Variants in CCPG1 observed in about 807,000 individuals in gnomAD.
CCPG1 encodes cell cycle progression protein 1.
In CCPG1, 46 loss-of-function variants were observed where a neutral mutation model predicts 81.3. That is an observed-to-expected ratio of 0.57 (90% CI 0.45 to 0.72). The LOEUF (loss-of-function observed/expected upper bound fraction) is 0.72, where lower values mean the gene tolerates loss of function less well. Among genes scored for constraint, CCPG1 ranks in the 30% least tolerant of loss-of-function variants. CCPG1 has a pLI of 0.00. For synonymous variants in CCPG1, 330 were observed against 305.2 expected (o/e 1.08, Z -0.85); for missense variants, 902 against 937.6 (o/e 0.96, Z 0.50).
At chr15:55,365,416 TTTG>T (rs368688921) in intron 6 of CCPG1, 107 bp from the exon 7 acceptor site, 9,947 of 682,592 alleles carry the variant, frequency 0.015, 33 homozygotes, top group African/African-American at 0.036. Context: ...TAGTCTTTTT[TTTG>T]TTTTTTTTTT....
intron 7 of CCPG1, among the ~76,000 whole-genome samples, chr15:55,361,783 T>C (rs1595820332): frequency 6.6e-6 from 1 of 152,128 alleles, no homozygotes; most frequent in Non-Finnish European, 1.5e-5. Flanking sequence ...TTGTACTCAG[T>C]GTACCCTTCA....
intron 8 of CCPG1, 149 bp from the exon 9 acceptor site, chr15:55,356,558 A>G: frequency 8.0e-7 from 1 of 1,249,004 alleles, no homozygotes; most frequent in African/African-American, 1.6e-5. Context: ...ATATCCATAT[A>G]AAAATAAAGG....
At chr15:55,370,647 C>T (rs1351374622) in intron 6 of CCPG1, among the ~76,000 whole-genome samples, 1 of 152,054 alleles carries the variant, frequency 6.6e-6, no homozygotes, top group East Asian at 1.9e-4. Flanking sequence ...GAGGCCGAGG[C>T]GGGTGGATCA....
At chr15:55,399,846 T>C (rs1328500268) in intron 1 of CCPG1, 1 of 151,914 alleles carries the variant, frequency 6.6e-6, no homozygotes, top group Non-Finnish European at 1.5e-5. Flanking sequence ...GTAATTCCAA[T>C]ACTTTGGGAG....
At chr15:55,394,477 C>T (rs1425706767) in intron 1 of CCPG1, among the ~76,000 whole-genome samples, 1 of 152,010 alleles carries the variant, frequency 6.6e-6, no homozygotes, top group East Asian at 1.9e-4. Context: ...TGTGTGAAAG[C>T]TTCCCTCCTT....
chr15:55,356,247 C>T lies in CCPG1; in HGVS notation c.2397G>A (p.Gly799=), dbSNP rs1443287279. Residue 799 remains glycine, a synonymous_variant, in exon 9 of 9, where the codon GGG becomes GGA. Transcript: ENST00000442196. ...RQMANLEIEL[G]QLPFDPQY is the part of the protein sequence containing the mutation. ...AGTATTGAGGATCAAAAGGTAATTG[C>T]CCCAATTCTATTTCAAGATTTGCCA... The T allele has an allele frequency of 2.6e-6, 4 of 1,534,400 alleles. No individual in the cohort carries two copies. Among genetic ancestry groups the T allele is most frequent in the South Asian group, 2.4e-5 (2 of 83,724 alleles).
chr15:55,375,858 C>T (rs953652752), intron 5 of CCPG1, among the ~76,000 whole-genome samples: 1 of 152,016 alleles, frequency 6.6e-6, no homozygotes, highest in Non-Finnish European at 1.5e-5. Flanking sequence ...TCATGCCTGG[C>T]TTTTTATTAT....
chr15:55,383,535 G>C (rs1186772590), intron 3 of CCPG1, among the ~76,000 whole-genome samples: 3 of 152,212 alleles, frequency 2.0e-5, no homozygotes, highest in African/African-American at 7.2e-5. Flanking sequence ...AGTTAGGAAA[G>C]TCCTAGATGG....
At chr15:55,370,790 T>C (rs1474239480) in intron 6 of CCPG1, among the ~76,000 whole-genome samples, 1 of 146,708 alleles carries the variant, frequency 6.8e-6, no homozygotes, top group East Asian at 2.0e-4. Context: ...GGCAGGAGAA[T>C]CACTTGAACC....
intron 1 of CCPG1, among the ~76,000 whole-genome samples, chr15:55,395,307 AG>A (rs1306924745): frequency 2.6e-5 from 4 of 150,994 alleles, no homozygotes; most frequent in Non-Finnish European, 4.4e-5. Context: ...AAAAAAAAAA[AG>A]TAACTTTTTA....
chr15:55,403,830 G>T (rs750498475), intron 1 of CCPG1, among the ~76,000 whole-genome samples: 1 of 152,198 alleles, frequency 6.6e-6, no homozygotes, highest in Non-Finnish European at 1.5e-5. Context: ...ACTGTTAGAT[G>T]AGTCTGCATT....
chr15:55,361,691 C>T (rs893696343), intron 7 of CCPG1, among the ~76,000 whole-genome samples: 8 of 148,918 alleles, frequency 5.4e-5, no homozygotes, highest in Non-Finnish European at 1.2e-4. Flanking sequence ...GGCGACAGAG[C>T]GAGACTCTGT....
At chr15:55,371,397 A>G (rs2141267669) in intron 6 of CCPG1, among the ~76,000 whole-genome samples, 1 of 152,342 alleles carries the variant, frequency 6.6e-6, no homozygotes, top group Admixed American at 6.5e-5. Context: ...TTATTTACAC[A>G]TTTCAAATGT....
intron 6 of CCPG1, among the ~76,000 whole-genome samples, chr15:55,365,569 C>T (rs1377828667): frequency 6.6e-6 from 1 of 151,294 alleles, no homozygotes; most frequent in South Asian, 2.1e-4. Context: ...TACAGGGAAG[C>T]GCCACCAGGC....
chr15:55,372,124 T>A, intron 5 of CCPG1, 80 bp from the exon 6 acceptor site: 1 of 1,351,970 alleles, frequency 7.4e-7, no homozygotes, highest in South Asian at 1.3e-5. Context: ...GAATAATCAA[T>A]GCCATCCCTT....
chr15:55,406,216 CTTTT>C (rs35010457), intron 1 of CCPG1, among the ~76,000 whole-genome samples: 2 of 137,024 alleles, frequency 1.5e-5, no homozygotes, highest in East Asian at 2.2e-4. Context: ...GGAATTGCTG[CTTTT>C]TTTTTTTTTT....
At chr15:55,363,350 GAAAA>G (rs1399783626) in intron 7 of CCPG1, among the ~76,000 whole-genome samples, 3 of 126,952 alleles carry the variant, frequency 2.4e-5, no homozygotes, top group African/African-American at 6.2e-5. Flanking sequence ...CTCCATCTCA[GAAAA>G]AAAACAAACA....
rs932055772 is a variant in CCPG1, at chr15:55,357,251, A to C, written c.2235-842T>G. On this transcript the variant is annotated intron_variant, in intron 8 of 8. Coordinates refer to ENST00000442196, the MANE Select transcript of CCPG1 (RefSeq NM_001204450.2). The stretch of plus-strand genomic sequence containing the variant: ...TACTACTATCCAACAAGATGACCCA[A>C]CCCAGAAATCTAGAAGTCACTGTTA... 10 of 956,444 alleles carry C rather than the reference A, an allele frequency of 1.0e-5. No homozygotes were observed. The African/African-American group carries it at 1.8e-4, about 17-fold the overall frequency. 59.2% of individuals were successfully genotyped at this position (956,444 alleles called of 1,614,324 possible).
At chr15:55,383,114 A>G (rs757638074) in intron 3 of CCPG1, among the ~76,000 whole-genome samples, 20 of 152,234 alleles carry the variant, frequency 1.3e-4, no homozygotes, top group Non-Finnish European at 2.8e-4. Context: ...CTGAAAGTCA[A>G]AACTACTCTT....
Sources: gnomAD v4.1 joint callset for allele counts (sites outside exome capture counted in the v4.1 genomes callset) on GRCh38, gnomAD v4.1.1 for gene constraint, MANE v1.5 for transcripts, NCBI Gene and HGNC (gene_info 2026-07-23, HGNC 2026-07-21) for gene names.